Variants in PTPRO observed in about 807,000 individuals in gnomAD.
The protein encoded by PTPRO is receptor-type tyrosine-protein phosphatase O.
Under a neutral mutation model 145.2 loss-of-function variants are expected in PTPRO, and 62 were observed. That is an observed-to-expected ratio of 0.43 (90% CI 0.35 to 0.53). The LOEUF (loss-of-function observed/expected upper bound fraction) is 0.53. Among genes scored for constraint, PTPRO ranks in the 20% least tolerant of loss-of-function variants. PTPRO has a pLI of 0.01. For synonymous variants in PTPRO, 565 were observed against 514.7 expected (o/e 1.10, Z -1.32); for missense variants, 1,345 against 1,482.7 (o/e 0.91, Z 1.53).
At chr12:15,474,000 C>T (rs1214797200) in intron 1 of PTPRO, among the ~76,000 whole-genome samples, 1 of 152,140 alleles carries the variant, frequency 6.6e-6, no homozygotes, top group Non-Finnish European at 1.5e-5. Flanking sequence ...TAAAAGGCTA[C>T]AGAGGCGGAA....
intron 20 of PTPRO, among the ~76,000 whole-genome samples, chr12:15,579,826 G>A (rs905112552): frequency 6.6e-6 from 1 of 152,048 alleles, no homozygotes; most frequent in South Asian, 2.1e-4. Flanking sequence ...GGACAGGAGA[G>A]CTGGTAGTGA....
intron 15 of PTPRO, among the ~76,000 whole-genome samples, chr12:15,552,560 T>C (rs1300702564): frequency 6.6e-6 from 1 of 152,164 alleles, no homozygotes; most frequent in East Asian, 1.9e-4. Context: ...AGGAGCTTAC[T>C]TACCTAACTG....
rs1942559414 is a variant in PTPRO, at chr12:15,515,579, T to G, written c.1546T>G (p.Leu516Val). ...TGTAATATACCTAAGGAAAGGCCCT[T>G]TGATTGGACCACCTTCAGATCCTGT... ...QVVIYLRKGP[L>V]IGPPSDPVTF... The change falls in exon 8 of 27, where the codon TTG becomes GTG. Residue 516 changes from leucine (L) to valine (V), a missense_variant. Leu to Val is a conservative substitution (Grantham distance 32). Around this residue, in one of 3 missense-constraint regions of PTPRO, gnomAD observed 1,130 missense variants for 1,214.7 expected, o/e 0.93. Coordinates refer to ENST00000281171, the MANE Select transcript of PTPRO (RefSeq NM_030667.3). The G allele has an allele frequency of 6.2e-7, 1 of 1,613,956 alleles. No homozygotes were observed. The highest frequency in any genetic ancestry group is 1.7e-5 in the Admixed American group (1 of 59,994).
At chr12:15,341,139 T>C (rs1866967139) in intron 1 of PTPRO, among the ~76,000 whole-genome samples, 1 of 152,238 alleles carries the variant, frequency 6.6e-6, no homozygotes, top group African/African-American at 2.4e-5. Context: ...TTTTATTTAA[T>C]TTATTAGAGT....
chr12:15,549,033 A>G, intron 13 of PTPRO, 61 bp from the exon 14 acceptor site: 3 of 1,537,276 alleles, frequency 2.0e-6, no homozygotes, highest in East Asian at 2.3e-5. Flanking sequence ...ACTATGAAAT[A>G]TATTTTTAAA....
At chr12:15,366,618 A>G (rs1270937840) in intron 1 of PTPRO, among the ~76,000 whole-genome samples, 1 of 152,196 alleles carries the variant, frequency 6.6e-6, no homozygotes, top group African/African-American at 2.4e-5. Context: ...AGTTGAGATA[A>G]TATCTAATCC....
At chr12:15,526,383 G>A (rs1268675790) in intron 12 of PTPRO, 121 bp downstream of exon 12, 2 of 1,327,426 alleles carry the variant, frequency 1.5e-6, no homozygotes, top group African/African-American at 2.9e-5. Flanking sequence ...TTTATGAGTA[G>A]AAAATAGACA....
chr12:15,587,159 ACT>A, intron 24 of PTPRO, 108 bp downstream of exon 24: 1 of 1,250,686 alleles, frequency 8.0e-7, no homozygotes, highest in Non-Finnish European at 1.1e-6. Context: ...AATTAAATAA[ACT>A]CTGATGTTTT....
chr12:15,351,230 T>A (rs1937793646), intron 1 of PTPRO, among the ~76,000 whole-genome samples: 1 of 152,194 alleles, frequency 6.6e-6, no homozygotes, highest in South Asian at 2.1e-4. Flanking sequence ...GAAACAACTT[T>A]TACACACGTA....
intron 1 of PTPRO, among the ~76,000 whole-genome samples, chr12:15,441,475 A>C (rs1940762587): frequency 6.6e-6 from 1 of 152,164 alleles, no homozygotes; most frequent in African/African-American, 2.4e-5. Flanking sequence ...CTAACCCCAA[A>C]GTTCTCAGAA....
At position 15,520,336 on chromosome 12, in the gene PTPRO, T is replaced by A. The variant is rs200102916; in HGVS notation, c.1891+24T>A. ...AGGTGAGGCATGTGTGGGGAACAGT[T>A]CCACAAGGAGAGAGCATTATTGTGA... On this transcript the variant is annotated intron_variant, in intron 10 of 26. Transcript: ENST00000281171. The A allele has an allele frequency of 4.2e-5, 65 of 1,536,464 alleles. No homozygotes were observed. The East Asian group carries it at 1.4e-3, about 33-fold the overall frequency.
intron 15 of PTPRO, among the ~76,000 whole-genome samples, chr12:15,557,123 C>T (rs981848854): frequency 6.6e-6 from 1 of 151,950 alleles, no homozygotes; most frequent in Non-Finnish European, 1.5e-5. Context: ...TCACCACAAC[C>T]TCTGTCTCCC....
rs1944686347 is a variant in PTPRO at position 15,597,739 on chromosome 12, T to G, written c.*1666T>G. 6.6e-6 allele frequency among the ~76,000 whole-genome samples: 1 copy of G among 152,198 alleles called. No individual in the cohort carries two copies. Among genetic ancestry groups the G allele is most frequent in the Non-Finnish European group, 1.5e-5 (1 of 68,034 alleles). ...TTAACAGCTTGGGCTCCTCAGGGGT[T>G]GTCAGTTCCTACTCACCTCCCTGCT... On this transcript the variant is annotated 3_prime_UTR_variant, in exon 27 of 27. Transcript: ENST00000281171.
chr12:15,530,325 C>A (rs979309517), intron 12 of PTPRO, among the ~76,000 whole-genome samples: 1 of 152,172 alleles, frequency 6.6e-6, no homozygotes, highest in African/African-American at 2.4e-5. Context: ...GATCTTCCAA[C>A]AGAATAACAA....
At chr12:15,355,913 T>A (rs1205855739) in intron 1 of PTPRO, among the ~76,000 whole-genome samples, 1 of 152,252 alleles carries the variant, frequency 6.6e-6, no homozygotes, top group Non-Finnish European at 1.5e-5. Flanking sequence ...AATGTTTTCT[T>A]TGTTCACAGT....
chr12:15,589,169 AG>A, intron 24 of PTPRO, among the ~76,000 whole-genome samples: 1 of 152,174 alleles, frequency 6.6e-6, no homozygotes, highest in Non-Finnish European at 1.5e-5. Flanking sequence ...TGAGGTCAGA[AG>A]TTCAAGACCA....
chr12:15,581,303 T>TC (rs1176606213), intron 22 of PTPRO, among the ~76,000 whole-genome samples: 1 of 148,064 alleles, frequency 6.8e-6, no homozygotes, highest in African/African-American at 2.5e-5. Flanking sequence ...GCTTTCTTTT[T>TC]TTTTTTTTTT....
intron 8 of PTPRO, 50 bp from the exon 9 acceptor site, chr12:15,516,713 G>A (rs764123311): frequency 2.0e-6 from 3 of 1,506,770 alleles, no homozygotes; most frequent in Admixed American, 1.7e-5. Flanking sequence ...CCATTGCTAA[G>A]ACATTCCTTC....
At chr12:15,343,208 A>C (rs144790560) in intron 1 of PTPRO, among the ~76,000 whole-genome samples, 1 of 152,128 alleles carries the variant, frequency 6.6e-6, no homozygotes, top group African/African-American at 2.4e-5. Flanking sequence ...TTGAAATCTT[A>C]ATTGAATATG....
Sources: gnomAD v4.1 joint callset for allele counts (sites outside exome capture counted in the v4.1 genomes callset) on GRCh38, gnomAD v4.1.1 for gene constraint, gnomAD v4.1.1 regional missense constraint, MANE v1.5 for transcripts, NCBI Gene and HGNC (gene_info 2026-07-23, HGNC 2026-07-21) for gene names.